PCDHAC1: variants seen among roughly 807,000 people sequenced by gnomAD.
The protein encoded by PCDHAC1 is protocadherin alpha subfamily C, 1.
A neutral mutation model predicts 60.0 loss-of-function variants in PCDHAC1; 42 were observed. That is an observed-to-expected ratio of 0.70 (90% confidence interval 0.55 to 0.90). PCDHAC1 has a LOEUF of 0.90. Ranked by LOEUF, PCDHAC1 falls within the 40% of genes least tolerant of loss-of-function variation. The pLI, the probability that PCDHAC1 is intolerant of heterozygous loss-of-function variation, is 0.00. For synonymous variants in PCDHAC1, 468 were observed against 499.3 expected, an observed-to-expected ratio of 0.94 and a Z score of 0.84; for missense variants, 1,160 against 1,222.3, an observed-to-expected ratio of 0.95 and a Z score of 0.76.
At chr5:140,977,104 A>C (rs2096746104) in intron 1 of PCDHAC1, among the ~76,000 whole-genome samples, 1 of 152,242 alleles carries the variant, frequency 6.6e-6, no homozygotes, top group Admixed American at 6.5e-5. Flanking sequence ...TGGGGAAGTG[A>C]GATTGTATAA....
chr5:140,941,202 C>CCTTCCTTT (rs1554213920), intron 1 of PCDHAC1, among the ~76,000 whole-genome samples: 107 of 122,824 alleles, frequency 8.7e-4, no homozygotes, highest in Admixed American at 4.2e-3. Flanking sequence ...TTTCTTTCTT[C>CCTTCCTTT]CTTTCTTTCT....
In PCDHAC1 at chr5:140,929,117, T is replaced by C. The variant is rs1554206704; in HGVS notation, c.2225T>C (p.Ile742Thr). Residue 742 changes from isoleucine to threonine, a missense_variant, in exon 1 of 4, where the codon ATA becomes ACA. Physicochemically the swap from Ile to Thr is moderately conservative, Grantham distance 89 (BLOSUM62 -1). This residue lies in a region of PCDHAC1 where 1,113 missense variants were observed against 1,163.7 expected (regional missense o/e 0.96). Coordinates refer to ENST00000253807, the MANE Select transcript of PCDHAC1 (RefSeq NM_018898.5). The part of the protein sequence containing the change: ...VSNPCMTSAT[I>T]DVTTVERLSQ... ...AATCCTTGCATGACATCAGCCACCA[T>C]AGATGTCACTACAGTTGAGAGACTT... 3 of 1,614,160 alleles carry C rather than the reference T, an allele frequency of 1.9e-6. No homozygotes were observed. Among genetic ancestry groups the C allele is most frequent in the African/African-American group, 2.7e-5 (2 of 75,048 alleles).
intron 3 of PCDHAC1, among the ~76,000 whole-genome samples, chr5:140,986,404 G>GT (rs2097199196): frequency 6.6e-6 from 1 of 152,190 alleles, no homozygotes; most frequent in Non-Finnish European, 1.5e-5. Context: ...AGTCGCTCAT[G>GT]TTACAGCTCT....
chr5:140,982,706 T>C, intron 3 of PCDHAC1, 143 bp downstream of exon 3: 1 of 1,375,170 alleles, frequency 7.3e-7, no homozygotes, highest in Admixed American at 2.9e-5. Flanking sequence ...ATGATTTCCT[T>C]ACATATATGA....
At chr5:141,006,995 A>C (rs1277177404) in intron 3 of PCDHAC1, among the ~76,000 whole-genome samples, 1 of 152,208 alleles carries the variant, frequency 6.6e-6, no homozygotes, top group Non-Finnish European at 1.5e-5. Flanking sequence ...TTAAAATATA[A>C]GTCTGCATCT....
chr5:140,963,873 C>A (rs757553114), intron 1 of PCDHAC1, among the ~76,000 whole-genome samples: 5 of 152,188 alleles, frequency 3.3e-5, no homozygotes, highest in Non-Finnish European at 5.9e-5. Flanking sequence ...GTTTTGCTTA[C>A]TATTGTTTTC....
chr5:140,993,256 A>C lies in PCDHAC1; in HGVS notation c.2581+10693A>C, dbSNP rs1419636248. Among the ~76,000 whole-genome samples, 3 of 152,148 alleles carry C rather than the reference A, an allele frequency of 2.0e-5. No homozygotes were observed. In the East Asian group the frequency reaches 5.8e-4, roughly 29 times the overall value. On this transcript the variant is annotated intron_variant, in intron 3 of 3. Coordinates refer to ENST00000253807, the MANE Select transcript of PCDHAC1 (RefSeq NM_018898.5). The stretch of plus-strand genomic sequence containing the variant: ...CTGAATCTGGGGATTTAGATATATA[A>C]ATTAGCTTCTTTGGTCTTTTCTTGC...
intron 1 of PCDHAC1, among the ~76,000 whole-genome samples, chr5:140,937,290 G>C (rs890693007): frequency 3.3e-5 from 5 of 152,076 alleles, no homozygotes; most frequent in Non-Finnish European, 7.4e-5. Flanking sequence ...ACCCGCTTCG[G>C]CCTCCCAAAG....
chr5:140,969,058 T>C, intron 1 of PCDHAC1: 1 of 1,614,166 alleles, frequency 6.2e-7, no homozygotes. Flanking sequence ...ACAACAATAT[T>C]GATGCCAGGA....
At chr5:140,941,957 A>G (rs1254816482) in intron 1 of PCDHAC1, among the ~76,000 whole-genome samples, 1 of 152,234 alleles carries the variant, frequency 6.6e-6, no homozygotes, top group Non-Finnish European at 1.5e-5. Flanking sequence ...TGAAAACAAT[A>G]GTATCTTTAC....
Position 140,928,606 on chromosome 5 carries a change from C to T in PCDHAC1, c.1714C>T (p.Arg572Cys), listed in dbSNP as rs782809256. ...NGSVPVEIVP[R>C]SARTGHLVTK... ...TTCTGTCCCAGTGGAAATTGTGCCC[C>T]GCTCTGCCAGGACTGGACACTTGGT... Residue 572 changes from arginine (R) to cysteine (C), a missense_variant, in exon 1 of 4, where the codon CGC becomes TGC. Around this residue, in one of 3 missense-constraint regions of PCDHAC1, gnomAD observed 1,113 missense variants for 1,163.7 expected, o/e 0.96. Coordinates refer to ENST00000253807, the MANE Select transcript of PCDHAC1 (RefSeq NM_018898.5). 7.4e-6 allele frequency: 12 copies of T among 1,614,204 alleles called. No homozygotes were observed. In the South Asian group the frequency reaches 1.2e-4, roughly 16 times the overall value.
intron 3 of PCDHAC1, among the ~76,000 whole-genome samples, chr5:140,991,912 A>G (rs1022060256): frequency 1.3e-5 from 2 of 152,150 alleles, no homozygotes; most frequent in Non-Finnish European, 2.9e-5. Context: ...CCCTTTTGCC[A>G]TGTAACATAA....
At chr5:140,986,163 G>A (rs1186387690) in intron 3 of PCDHAC1, among the ~76,000 whole-genome samples, 1 of 152,212 alleles carries the variant, frequency 6.6e-6, no homozygotes, top group African/African-American at 2.4e-5. Flanking sequence ...AATGTTTTCT[G>A]CAGGATAAAC....
chr5:140,987,523 T>C (rs942927324), intron 3 of PCDHAC1, among the ~76,000 whole-genome samples: 1 of 152,174 alleles, frequency 6.6e-6, no homozygotes, highest in Non-Finnish European at 1.5e-5. Context: ...AGTAATTGTA[T>C]GTTCCTGGGA....
intron 1 of PCDHAC1, chr5:140,966,759 C>G: frequency 6.9e-7 from 1 of 1,447,012 alleles, no homozygotes; most frequent in Non-Finnish European, 9.1e-7. Context: ...CCGCCGCGGC[C>G]AGTGGCTATG....
intron 1 of PCDHAC1, among the ~76,000 whole-genome samples, chr5:140,953,052 C>T (rs2094839858): frequency 6.6e-6 from 1 of 152,206 alleles, no homozygotes; most frequent in Non-Finnish European, 1.5e-5. Flanking sequence ...ATCCAATCAC[C>T]TCTCACAGGC....
chr5:140,976,644 A>G (rs1487728765), intron 1 of PCDHAC1, among the ~76,000 whole-genome samples: 1 of 152,228 alleles, frequency 6.6e-6, no homozygotes, highest in Admixed American at 6.5e-5. Context: ...CAGACAAGTA[A>G]TTTAATCTCT....
intron 1 of PCDHAC1, among the ~76,000 whole-genome samples, chr5:140,951,897 G>A (rs2094651245): frequency 6.6e-6 from 1 of 152,106 alleles, no homozygotes; most frequent in Non-Finnish European, 1.5e-5. Context: ...CTGCCTATGA[G>A]CCTGTAAAAT....
chr5:140,941,939 T>C (rs2153657014), intron 1 of PCDHAC1, among the ~76,000 whole-genome samples: 1 of 152,358 alleles, frequency 6.6e-6, no homozygotes, highest in African/African-American at 2.4e-5. Context: ...TTTGAATTAC[T>C]TTTGTTTTGA....
Sources: allele counts gnomAD v4.1 joint callset (sites outside exome capture counted in the v4.1 genomes callset), GRCh38; gene constraint gnomAD v4.1.1; regional missense constraint gnomAD v4.1.1; transcripts MANE v1.5; gene names NCBI Gene and HGNC (gene_info 2026-07-23, HGNC 2026-07-21).